Variants in MYT1L observed in about 807,000 individuals in gnomAD.
MYT1L encodes the protein myelin transcription factor 1 like, also known as myelin transcription factor 1-like protein.
Under a neutral mutation model 126.7 loss-of-function variants are expected in MYT1L, and 12 were observed. That is an observed-to-expected ratio of 0.09 (90% CI 0.06 to 0.15). The LOEUF (loss-of-function observed/expected upper bound fraction) is 0.15. Among genes scored for constraint, MYT1L ranks in the 10% least tolerant of loss-of-function variants. The pLI, the probability that MYT1L is intolerant of heterozygous loss-of-function variation, is 1.00. For synonymous variants in MYT1L, 541 were observed against 604.2 expected (o/e 0.90, Z 1.53); for missense variants, 979 against 1,585.2 (o/e 0.62, Z 6.49).
intron 3 of MYT1L, among the ~76,000 whole-genome samples, chr2:2,165,950 T>A (rs1269870533): frequency 6.6e-6 from 1 of 151,864 alleles, no homozygotes; most frequent in African/African-American, 2.4e-5. Flanking sequence ...AAATAAAATC[T>A]TTTATTTTTC....
intron 13 of MYT1L, among the ~76,000 whole-genome samples, chr2:1,904,133 C>A (rs543098828): frequency 2.0e-5 from 3 of 152,182 alleles, no homozygotes; most frequent in Non-Finnish European, 4.4e-5. Flanking sequence ...CAAAACCAGG[C>A]GACTAACATT....
rs548508138 is a variant in MYT1L, at chr2:2,037,757, AAAAAC to A, written c.-158+16216_-158+16220del. 3.6e-3 allele frequency among the ~76,000 whole-genome samples: 551 copies of A among 151,572 alleles called. 2 individuals carry two copies. Among genetic ancestry groups the A allele is most frequent in the Non-Finnish European group, 4.1e-3 (277 of 67,806 alleles). On this transcript the variant is annotated intron_variant, in intron 4 of 24. Transcript: ENST00000647738. The stretch of plus-strand genomic sequence containing the variant: ...GGGAGACAGAGCCAGACTCCGTCTC[AAAAAC>A]AAAACAAAACAAAACAAAACCCCCC...
At chr2:1,939,754 G>C (rs185174299) in intron 9 of MYT1L, among the ~76,000 whole-genome samples, 32 of 152,328 alleles carry the variant, frequency 2.1e-4, no homozygotes, top group African/African-American at 7.5e-4. Context: ...GGAGATTTCT[G>C]ACCCTGATGG....
intron 9 of MYT1L, among the ~76,000 whole-genome samples, chr2:1,940,120 G>A (rs374234885): frequency 1.2e-4 from 19 of 152,346 alleles, no homozygotes; most frequent in Admixed American, 6.5e-4. Context: ...GGAGTATCAC[G>A]CTCTACTGCC....
At position 1,887,286 on chromosome 2, in the gene MYT1L, G is replaced by A. The variant is rs188038975; in HGVS notation, c.2642+202C>T. On this transcript the variant is annotated intron_variant, in intron 17 of 24. Coordinates refer to ENST00000647738, the MANE Select transcript of MYT1L (RefSeq NM_001303052.2). This position sits in a 1 kb window ranked among gnomAD's most constrained non-coding sequence, Gnocchi z 4.8. ...AATGCACGGGTTAAATGAAAATGAC[G>A]CCCCCATCCGACAGAGCGTCACTGG... Among the ~76,000 whole-genome samples the A allele has an allele frequency of 2.2e-4, 33 of 152,188 alleles. No individual in the cohort carries two copies. Among genetic ancestry groups the A allele is most frequent in the African/African-American group, 6.7e-4 (28 of 41,510 alleles).
At chr2:2,314,417 A>G (rs1011482447) in intron 1 of MYT1L, among the ~76,000 whole-genome samples, 1 of 152,240 alleles carries the variant, frequency 6.6e-6, no homozygotes, top group African/African-American at 2.4e-5. Context: ...AGTAATATAG[A>G]AGGCCTGGTC....
chr2:1,933,733 G>A (rs1464120740), intron 9 of MYT1L, among the ~76,000 whole-genome samples: 1 of 152,154 alleles, frequency 6.6e-6, no homozygotes, highest in Non-Finnish European at 1.5e-5. Context: ...CAGTGCCCAG[G>A]TGTGCTATAG....
intron 3 of MYT1L, among the ~76,000 whole-genome samples, chr2:2,064,320 T>A (rs992100976): frequency 3.9e-5 from 6 of 152,144 alleles, no homozygotes; most frequent in Non-Finnish European, 8.8e-5. Context: ...GGAGACTGTG[T>A]CCTAACAGCA....
chr2:2,231,769 T>C (rs1162632936), intron 2 of MYT1L, among the ~76,000 whole-genome samples: 1 of 152,112 alleles, frequency 6.6e-6, no homozygotes, highest in Non-Finnish European at 1.5e-5. Context: ...TTTTTATATA[T>C]ATAAAAAAAG....
chr2:1,937,805 G>A (rs1431590107), intron 9 of MYT1L, among the ~76,000 whole-genome samples: 1 of 152,208 alleles, frequency 6.6e-6, no homozygotes, highest in East Asian at 1.9e-4. Context: ...AGGCCCTAAG[G>A]TGACCACACA....
At position 2,227,267 on chromosome 2, in the gene MYT1L, A is replaced by G. The variant is rs368761812; in HGVS notation, c.-420-54279T>C. On this transcript the variant is annotated intron_variant, in intron 2 of 24. Transcript: ENST00000647738. ...GGGATTAAATATCATCTCTACATGGATGACTCCCAAAGCGTATTTCTAGAC... is the reference window on the plus strand; with the variant it reads ...GGGATTAAATATCATCTCTACATGGGTGACTCCCAAAGCGTATTTCTAGAC... Among the ~76,000 whole-genome samples, 7 of 152,146 alleles carry G rather than the reference A, an allele frequency of 4.6e-5. No individual in the cohort carries two copies. In the East Asian group the frequency reaches 7.7e-4, roughly 17 times the overall value.
In MYT1L at chr2:1,943,379, T is replaced by A. The variant is rs2056881497; in HGVS notation, c.153-45A>T. On this transcript the variant is annotated intron_variant, in intron 8 of 24. Coordinates refer to ENST00000647738, the MANE Select transcript of MYT1L (RefSeq NM_001303052.2). The surrounding 1 kb of genome is among the most constrained non-coding windows in gnomAD (Gnocchi z 4.4). The stretch of plus-strand genomic sequence containing the variant: ...AGGCAGGGGAGAGAGAGAAAAAAAA[T>A]ATCTGTGTTACTGTCTTTTAAAATC... 1 of 1,482,330 alleles carries A rather than the reference T, an allele frequency of 6.7e-7. No individual in the cohort carries two copies. The allele number at this position is 1,482,330 out of a possible 1,614,324, so 91.8% of individuals were successfully genotyped here. A position where few individuals can be genotyped will look rare whatever the true frequency, so the allele number is the denominator to read the frequency against.
intron 2 of MYT1L, among the ~76,000 whole-genome samples, chr2:2,186,113 G>C (rs113447461): frequency 0.012 from 628 of 50,242 alleles, no homozygotes; most frequent in Middle Eastern, 0.02. Context: ...CGGGCCTTCC[G>C]GAGTCCCGCG....
chr2:1,793,837 C>A lies in MYT1L; in HGVS notation c.3277-1373G>T, dbSNP rs1429213304. 6.6e-6 allele frequency among the ~76,000 whole-genome samples: 1 copy of A among 152,186 alleles called. No individual in the cohort carries two copies. The highest frequency in any genetic ancestry group is 1.5e-5 in the Non-Finnish European group (1 of 68,042). Reference sequence around the variant, plus strand: ...CAAATTAATGTTCCCCTCCCAGCCGCCCCCTTGCAGGCTCAGGAGTGGATG... The same window carrying A: ...CAAATTAATGTTCCCCTCCCAGCCGACCCCTTGCAGGCTCAGGAGTGGATG... On this transcript the variant is annotated intron_variant, in intron 23 of 24. Transcript: ENST00000647738. This position sits in a 1 kb window ranked among gnomAD's most constrained non-coding sequence, Gnocchi z 4.6.
intron 2 of MYT1L, among the ~76,000 whole-genome samples, chr2:2,215,304 A>T (rs918464048): frequency 2.0e-5 from 3 of 152,318 alleles, no homozygotes; most frequent in South Asian, 4.1e-4. Flanking sequence ...CGCCTACAGA[A>T]ACACATATTT....
intron 8 of MYT1L, among the ~76,000 whole-genome samples, chr2:1,966,591 T>C (rs541088382): frequency 6.6e-6 from 1 of 152,276 alleles, no homozygotes; most frequent in East Asian, 1.9e-4. Context: ...ACAAACATTG[T>C]CTGCAAAGAT....
chr2:2,097,565 G>T (rs568035508), intron 3 of MYT1L, among the ~76,000 whole-genome samples: 13 of 152,270 alleles, frequency 8.5e-5, no homozygotes, highest in Non-Finnish European at 1.3e-4. Context: ...AGTTGACAGA[G>T]GGTTTTTACA....
At chr2:2,261,167 GTA>G (rs1553609272) in intron 2 of MYT1L, among the ~76,000 whole-genome samples, 3 of 146,554 alleles carry the variant, frequency 2.0e-5, no homozygotes, top group Admixed American at 1.4e-4. Context: ...GTGTGTGTGT[GTA>G]TGTGTTTCCA....
intron 2 of MYT1L, among the ~76,000 whole-genome samples, chr2:2,209,003 C>A (rs1559343572): frequency 9.1e-6 from 1 of 109,696 alleles, no homozygotes; most frequent in African/African-American, 3.7e-5. Context: ...GGCATTTACA[C>A]ACACACACAC....
Sources: allele counts gnomAD v4.1 joint callset (sites outside exome capture counted in the v4.1 genomes callset), GRCh38; gene constraint gnomAD v4.1.1; non-coding constraint Gnocchi (gnomAD v3.1); transcripts MANE v1.5; gene names NCBI Gene and HGNC (gene_info 2026-07-23, HGNC 2026-07-21).